Variants in ARHGAP22 observed in about 807,000 individuals in gnomAD.
The protein encoded by ARHGAP22 is Rho GTPase activating protein 22, also known as rho GTPase-activating protein 22.
A neutral mutation model predicts 59.1 loss-of-function variants in ARHGAP22; 48 were observed. The observed-to-expected ratio is 0.81, with a 90% CI of 0.64 to 1.03. ARHGAP22 has a LOEUF of 1.03. Among genes scored for constraint, ARHGAP22 ranks in the 50% least tolerant of loss-of-function variants. ARHGAP22 has a pLI of 0.00. For missense variants in ARHGAP22, 1,015 were observed against 958.7 expected (o/e 1.06, Z -0.78); for synonymous variants, 445 against 416.4 (o/e 1.07, Z -0.84).
intron 3 of ARHGAP22, among the ~76,000 whole-genome samples, chr10:48,507,314 T>G (rs932448700): frequency 6.6e-6 from 1 of 152,188 alleles, no homozygotes; most frequent in African/African-American, 2.4e-5. Flanking sequence ...CGACTGACCT[T>G]CGAGGGCCTT....
chr10:48,515,627 C>T (rs2134624504), intron 3 of ARHGAP22, among the ~76,000 whole-genome samples: 1 of 152,310 alleles, frequency 6.6e-6, no homozygotes, highest in Middle Eastern at 3.4e-3. Context: ...ACATTCTTCT[C>T]AAATGCACAC....
chr10:48,577,626 C>T (rs2058804264), intron 2 of ARHGAP22, among the ~76,000 whole-genome samples: 1 of 152,024 alleles, frequency 6.6e-6, no homozygotes, highest in African/African-American at 2.4e-5. Flanking sequence ...GTTCACCCAA[C>T]CTTCCTGTTC....
At chr10:48,568,021 A>T (rs10458723) in intron 2 of ARHGAP22, among the ~76,000 whole-genome samples, 1 of 152,050 alleles carries the variant, frequency 6.6e-6, no homozygotes, top group Non-Finnish European at 1.5e-5. Context: ...TGGTAAATCC[A>T]TTTAACTAAT....
At chr10:48,528,679 G>A (rs1393221051) in intron 3 of ARHGAP22, among the ~76,000 whole-genome samples, 1 of 152,154 alleles carries the variant, frequency 6.6e-6, no homozygotes, top group Non-Finnish European at 1.5e-5. Context: ...GGGCCTAGTG[G>A]GAGGTATTTG....
intron 2 of ARHGAP22, among the ~76,000 whole-genome samples, chr10:48,577,065 C>G (rs991205535): frequency 6.6e-6 from 1 of 152,132 alleles, no homozygotes; most frequent in African/African-American, 2.4e-5. Flanking sequence ...TCTCTCTTCT[C>G]TTTTTCTAAA....
At chr10:48,470,258 A>ACGTTAG (rs1264717171) in intron 4 of ARHGAP22, among the ~76,000 whole-genome samples, 1 of 152,228 alleles carries the variant, frequency 6.6e-6, no homozygotes, top group African/African-American at 2.4e-5. Context: ...AGAGTGTTGA[A>ACGTTAG]CGTTAGCGTC....
chr10:48,503,716 T>C (rs1462287388), intron 3 of ARHGAP22, among the ~76,000 whole-genome samples: 1 of 152,192 alleles, frequency 6.6e-6, no homozygotes, highest in African/African-American at 2.4e-5. Flanking sequence ...TGCATCGATG[T>C]CCCCTCCTCA....
At position 48,454,984 on chromosome 10, in the gene ARHGAP22, TC is replaced by T. The variant is rs2046350521; in HGVS notation, c.792+17del. 11 of 1,574,806 alleles carry T rather than the reference TC, an allele frequency of 7.0e-6. No homozygotes were observed. Among genetic ancestry groups the T allele is most frequent in the Non-Finnish European group, 9.5e-6 (11 of 1,155,802 alleles). On this transcript the variant is annotated intron_variant, in intron 6 of 9. Coordinates refer to ENST00000249601, the MANE Select transcript of ARHGAP22 (RefSeq NM_021226.4). ...CAGCCAGCCCATCTCCCAGGAGCTA[TC>T]CCCAGGAGCCACTGACCTCCCCCTC...
intron 4 of ARHGAP22, among the ~76,000 whole-genome samples, chr10:48,470,231 C>T (rs1249533180): frequency 6.6e-6 from 1 of 152,222 alleles, no homozygotes; most frequent in Non-Finnish European, 1.5e-5. Flanking sequence ...GCTTAATGAA[C>T]CAGCAAGGTG....
chr10:48,533,406 T>C (rs1387212170), intron 3 of ARHGAP22, among the ~76,000 whole-genome samples: 1 of 152,234 alleles, frequency 6.6e-6, no homozygotes, highest in Non-Finnish European at 1.5e-5. Flanking sequence ...TTGGCAAATA[T>C]GTAGGTCCTA....
intron 3 of ARHGAP22, among the ~76,000 whole-genome samples, chr10:48,554,802 T>C (rs141742563): frequency 2.4e-4 from 37 of 152,218 alleles, no homozygotes; most frequent in African/African-American, 8.9e-4. Context: ...CACTAGCATG[T>C]CTGGGCTGGC....
chr10:48,499,924 T>C (rs973720023), intron 3 of ARHGAP22, among the ~76,000 whole-genome samples: 17 of 152,248 alleles, frequency 1.1e-4, no homozygotes, highest in African/African-American at 4.1e-4. Context: ...TTTAACACAA[T>C]ATGAATAGCA....
intron 3 of ARHGAP22, among the ~76,000 whole-genome samples, chr10:48,519,752 C>T (rs2053631707): frequency 6.6e-6 from 1 of 152,178 alleles, no homozygotes; most frequent in Non-Finnish European, 1.5e-5. Flanking sequence ...TTGATGGCAT[C>T]TTGAGAGGAA....
the ARHGAP22 span, among the ~76,000 whole-genome samples, chr10:48,439,903 C>T: frequency 6.6e-6 from 1 of 152,206 alleles, no homozygotes; most frequent in African/African-American, 2.4e-5. Flanking sequence ...ACACTGCCCT[C>T]CTCTGAGGAG....
At chr10:48,588,821 G>A (rs1297910450) in intron 1 of ARHGAP22, among the ~76,000 whole-genome samples, 2 of 152,198 alleles carry the variant, frequency 1.3e-5, no homozygotes, top group Non-Finnish European at 2.9e-5. Flanking sequence ...CAGGCCTTGT[G>A]GGGCAGGCAA....
chr10:48,563,538 A>T (rs1256777841), intron 2 of ARHGAP22, among the ~76,000 whole-genome samples: 1 of 152,168 alleles, frequency 6.6e-6, no homozygotes, highest in Non-Finnish European at 1.5e-5. Context: ...CCTTAATTCT[A>T]TCTGCCACCT....
chr10:48,618,065 C>G (rs11101406), intron 1 of ARHGAP22, among the ~76,000 whole-genome samples: 9,851 of 151,648 alleles, frequency 0.065, 1,011 homozygotes, highest in African/African-American at 0.22. Flanking sequence ...AACTATATAC[C>G]AACAAATGAA....
chr10:48,625,985 A>G (rs1406892958), intron 1 of ARHGAP22, among the ~76,000 whole-genome samples: 1 of 152,208 alleles, frequency 6.6e-6, no homozygotes, highest in East Asian at 1.9e-4. Flanking sequence ...TCTAGTCCCA[A>G]GAGAGACCTG....
At chr10:48,601,110 C>T (rs946352214) in intron 1 of ARHGAP22, among the ~76,000 whole-genome samples, 15 of 152,324 alleles carry the variant, frequency 9.8e-5, no homozygotes, top group Non-Finnish European at 2.2e-4. Context: ...CTCTCAGAGC[C>T]ATGAAGGTGG....
Sources: gnomAD v4.1 joint callset for allele counts (sites outside exome capture counted in the v4.1 genomes callset) on GRCh38, gnomAD v4.1.1 for gene constraint, MANE v1.5 for transcripts, NCBI Gene and HGNC (gene_info 2026-07-23, HGNC 2026-07-21) for gene names.